Variants in CNKSR3 observed in about 807,000 individuals in gnomAD.
CNKSR3 encodes the protein CNKSR family member 3.
A neutral mutation model predicts 67.7 loss-of-function variants in CNKSR3; 36 were observed. That is an observed-to-expected ratio of 0.53 (90% CI 0.41 to 0.70). The LOEUF is 0.70. CNKSR3 is among the 30% of genes least tolerant of loss of function. The pLI is 0.00. For synonymous variants in CNKSR3, 281 were observed against 271.4 expected, an observed-to-expected ratio of 1.04 and a Z score of -0.35; for missense variants, 630 against 695.2, an observed-to-expected ratio of 0.91 and a Z score of 1.05.
chr6:154,501,683 A>C (rs1383160440), intron 1 of CNKSR3, among the ~76,000 whole-genome samples: 1 of 152,016 alleles, frequency 6.6e-6, no homozygotes, highest in African/African-American at 2.4e-5. Flanking sequence ...GGAGTCCCCC[A>C]CCCAGTCCCT....
At chr6:154,495,259 A>G (rs1786854180) in intron 1 of CNKSR3, among the ~76,000 whole-genome samples, 1 of 151,970 alleles carries the variant, frequency 6.6e-6, no homozygotes, top group African/African-American at 2.4e-5. Flanking sequence ...ATCAAGGAAG[A>G]TGTATCATCT....
chr6:154,406,503 T>A lies in CNKSR3; in HGVS notation c.1519A>T (p.Ile507Phe), dbSNP rs1362989190. 1 of 1,614,114 alleles carries A rather than the reference T, an allele frequency of 6.2e-7. No individual in the cohort carries two copies. Among genetic ancestry groups the A allele is most frequent in the Non-Finnish European group, 8.5e-7 (1 of 1,180,008 alleles). The stretch of plus-strand genomic sequence containing the variant: ...GCGCTGCTGTGGAGATCTGAGTTGA[T>A]GTAGCACCTGCTTCCTCGGATGTAG... ...ADYIRGSRCY[I>F]NSDLHSSATI... Residue 507 changes from isoleucine (I) to phenylalanine (F), a missense_variant, in exon 13 of 13, where the codon ATC becomes TTC. This residue lies in a region of CNKSR3 where 308 missense variants were observed against 299.6 expected (regional missense o/e 1.03). Coordinates refer to ENST00000607772, the MANE Select transcript of CNKSR3 (RefSeq NM_173515.4).
intron 9 of CNKSR3, among the ~76,000 whole-genome samples, chr6:154,417,420 C>T (rs1785045801): frequency 6.6e-6 from 1 of 152,164 alleles, no homozygotes; most frequent in Admixed American, 6.5e-5. Context: ...GATGTGCTTC[C>T]CAGTGGCCTC....
intron 1 of CNKSR3, among the ~76,000 whole-genome samples, chr6:154,507,375 C>T (rs908800454): frequency 1.3e-5 from 2 of 152,166 alleles, no homozygotes; most frequent in Non-Finnish European, 1.5e-5. Flanking sequence ...AATCGCCCTA[C>T]CCAGATTCAT....
At chr6:154,490,405 G>A (rs1410618177) in intron 1 of CNKSR3, among the ~76,000 whole-genome samples, 7 of 151,970 alleles carry the variant, frequency 4.6e-5, no homozygotes, top group African/African-American at 1.7e-4. Flanking sequence ...ATGTATCTAA[G>A]TATATATATC....
At chr6:154,465,433 AAT>A (rs575387777) in intron 1 of CNKSR3, among the ~76,000 whole-genome samples, 6 of 150,798 alleles carry the variant, frequency 4.0e-5, no homozygotes, top group Admixed American at 6.6e-5. Flanking sequence ...TCTAAGACTT[AAT>A]ATATATATAT....
chr6:154,405,452 G>A lies in CNKSR3; in HGVS notation c.*902C>T, dbSNP rs1434700229. 1.3e-5 allele frequency: 2 copies of A among 152,526 alleles called. No individual in the cohort carries two copies. The highest frequency in any genetic ancestry group is 6.5e-5 in the Admixed American group (1 of 15,284). The allele number at this position is 152,526 out of a possible 1,614,324, so 9.4% of individuals were successfully genotyped here. A position where few individuals can be genotyped will look rare whatever the true frequency, so the allele number is the denominator to read the frequency against. ...TACCTGATGCTAGTTGAAAATTAGT[G>A]ACCATGAGGCTTTCCAAGATATTTC... On this transcript the variant is annotated 3_prime_UTR_variant, in exon 13 of 13. Coordinates refer to ENST00000607772, the MANE Select transcript of CNKSR3 (RefSeq NM_173515.4).
chr6:154,491,213 T>A (rs755089236), intron 1 of CNKSR3, among the ~76,000 whole-genome samples: 1 of 152,202 alleles, frequency 6.6e-6, no homozygotes, highest in Non-Finnish European at 1.5e-5. Context: ...CATAACTGCA[T>A]GAGATACTCC....
chr6:154,509,921 C>T, intron 1 of CNKSR3, 142 bp downstream of exon 1: 1 of 895,482 alleles, frequency 1.1e-6, no homozygotes, highest in Non-Finnish European at 1.8e-6. Context: ...GCACAGGCCA[C>T]TCGGCAGAAG....
chr6:154,454,511 A>AC (rs1224585400), intron 1 of CNKSR3, among the ~76,000 whole-genome samples: 2 of 151,964 alleles, frequency 1.3e-5, no homozygotes, highest in African/African-American at 4.8e-5. Context: ...ACATAGCAAG[A>AC]CCCCATCTCT....
intron 1 of CNKSR3, among the ~76,000 whole-genome samples, chr6:154,472,702 A>C (rs1265703652): frequency 6.6e-6 from 1 of 152,108 alleles, no homozygotes; most frequent in Non-Finnish European, 1.5e-5. Context: ...TTATTTGCTG[A>C]ATGGATGAGT....
intron 6 of CNKSR3, 59 bp from the exon 7 acceptor site, chr6:154,428,246 A>T (rs1785294129): frequency 9.5e-7 from 1 of 1,048,224 alleles, no homozygotes; most frequent in Non-Finnish European, 1.5e-6. Context: ...CATAGCCCCG[A>T]GTGAGACTTA....
chr6:154,396,609 A>G lies in CNKSR3; in HGVS notation c.*9745T>C, dbSNP rs184350863. 12 of 152,278 alleles carry G rather than the reference A, an allele frequency of 7.9e-5. No homozygotes were observed. The East Asian group carries it at 2.1e-3, about 27-fold the overall frequency. 9.4% of individuals were successfully genotyped at this position (152,278 alleles called of 1,614,324 possible). Reference sequence around the variant, plus strand: ...TGGTCTAACACGATGAGTCAATGCTATGGAAAAACAGAAGAGACCAGTTAA... The same window carrying G: ...TGGTCTAACACGATGAGTCAATGCTGTGGAAAAACAGAAGAGACCAGTTAA... On this transcript the variant is annotated 3_prime_UTR_variant, in exon 13 of 13. Coordinates refer to ENST00000607772, the MANE Select transcript of CNKSR3 (RefSeq NM_173515.4).
In CNKSR3 at chr6:154,450,202, C is replaced by A; in HGVS notation, c.109G>T (p.Gly37Cys). The change falls in exon 2 of 13, where the codon GGC becomes TGC. Residue 37 changes from glycine to cysteine, a missense_variant. By Grantham distance (159) the Gly-to-Cys change is radical (BLOSUM62 -3). Around this residue, in one of 3 missense-constraint regions of CNKSR3, gnomAD observed 189 missense variants for 205.0 expected, o/e 0.92. Transcript: ENST00000607772. The stretch of plus-strand genomic sequence containing the variant: ...TGGGAAATCTGCAGCAGCTGCTCGC[C>A]GTTGATCTTCTCTCGTTCAAACTTG... ...VHKFEREKIN[G>C]EQLLQISHQD... 6.2e-7 allele frequency: 1 copy of A among 1,614,168 alleles called. No individual in the cohort carries two copies. Among genetic ancestry groups the A allele is most frequent in the Non-Finnish European group, 8.5e-7 (1 of 1,180,042 alleles).
intron 2 of CNKSR3, among the ~76,000 whole-genome samples, chr6:154,448,263 G>A (rs149884961): frequency 3.3e-5 from 5 of 151,830 alleles, no homozygotes; most frequent in Admixed American, 1.3e-4. Flanking sequence ...CATGTGATGC[G>A]TCTCTAGCTG....
At chr6:154,459,864 C>T (rs1786042084) in intron 1 of CNKSR3, among the ~76,000 whole-genome samples, 1 of 151,954 alleles carries the variant, frequency 6.6e-6, no homozygotes, top group African/African-American at 2.4e-5. Context: ...CAGAAAACAA[C>T]AGTCAGACGG....
intron 4 of CNKSR3, among the ~76,000 whole-genome samples, chr6:154,438,721 GAAAC>G (rs2128717079): frequency 6.6e-6 from 1 of 152,252 alleles, no homozygotes; most frequent in Non-Finnish European, 1.5e-5. Context: ...AATGAATGCG[GAAAC>G]AAACAAAACT....
At chr6:154,460,672 A>G (rs1013260096) in intron 1 of CNKSR3, among the ~76,000 whole-genome samples, 1 of 152,136 alleles carries the variant, frequency 6.6e-6, no homozygotes, top group Non-Finnish European at 1.5e-5. Flanking sequence ...AGGAAGCTGT[A>G]CTTTTTGCCT....
intron 1 of CNKSR3, among the ~76,000 whole-genome samples, chr6:154,457,183 C>T (rs1554235024): frequency 2.0e-5 from 3 of 152,072 alleles, no homozygotes; most frequent in Non-Finnish European, 2.9e-5. Context: ...TCTATGTGAG[C>T]GTAGTATGAT....
Sources: allele counts gnomAD v4.1 joint callset (sites outside exome capture counted in the v4.1 genomes callset), GRCh38; gene constraint gnomAD v4.1.1; regional missense constraint gnomAD v4.1.1; transcripts MANE v1.5; gene names NCBI Gene and HGNC (gene_info 2026-07-23, HGNC 2026-07-21).